The following SPATA31H1 variants were observed in gnomAD, a reference collection of about 807,000 sequenced individuals.
SPATA31H1 encodes SPATA31 subfamily H member 1, also known as spermatogenesis-associated protein 31H1.
the SPATA31H1 span, among the ~76,000 whole-genome samples, chr2:27,549,998 A>G: frequency 2.6e-5 from 4 of 152,028 alleles, no homozygotes; most frequent in African/African-American, 4.8e-5. Flanking sequence ...TTGAAAACAC[A>G]AAAGATTTTT....
At chr2:27,565,533 C>T in the SPATA31H1 span, 2 of 658,618 alleles carry the variant, frequency 3.0e-6, no homozygotes, top group Non-Finnish European at 5.6e-6. Flanking sequence ...CTAGCATCTC[C>T]ATGTCTAAAG....
At chr2:27,569,074 C>T in the SPATA31H1 span, 2 of 398,852 alleles carry the variant, frequency 5.0e-6, no homozygotes, top group Non-Finnish European at 4.4e-6. Context: ...CTGAGCCAAA[C>T]TTCAGAATCT....
At chr2:27,570,837 G>A in the SPATA31H1 span, 1 of 398,976 alleles carries the variant, frequency 2.5e-6, no homozygotes, top group East Asian at 3.6e-5. Flanking sequence ...AAGCCTTGAA[G>A]CTGAAGTTTC....
chr2:27,560,960 T>C, the SPATA31H1 span, among the ~76,000 whole-genome samples: 1 of 152,160 alleles, frequency 6.6e-6, no homozygotes, highest in Non-Finnish European at 1.5e-5. Flanking sequence ...AAGGCAACTT[T>C]CTTTGCAGTT....
chr2:27,579,154 A>G, the SPATA31H1 span: 1 of 1,614,176 alleles, frequency 6.2e-7, no homozygotes, highest in Non-Finnish European at 8.5e-7. Flanking sequence ...GGGGTTCAGA[A>G]AGGTCTCATC....
At chr2:27,574,301 G>C in the SPATA31H1 span, 1 of 398,520 alleles carries the variant, frequency 2.5e-6, no homozygotes, top group Non-Finnish European at 4.4e-6. Context: ...TACAGACTGT[G>C]AAATCTTCTG....
At chr2:27,551,330 C>T in the SPATA31H1 span, among the ~76,000 whole-genome samples, 2 of 152,006 alleles carry the variant, frequency 1.3e-5, no homozygotes, top group African/African-American at 4.8e-5. Flanking sequence ...GTTATCCCTG[C>T]CTCCTAACAT....
chr2:27,575,048 T>C, the SPATA31H1 span: 6 of 398,552 alleles, frequency 1.5e-5, no homozygotes, highest in Admixed American at 1.8e-4. This position sits in a 1 kb window ranked among gnomAD's most constrained non-coding sequence, Gnocchi z 4.1. Context: ...AGTTACAAGA[T>C]AGAAAATTAT....
At chr2:27,546,588 A>G in the SPATA31H1 span, among the ~76,000 whole-genome samples, 11 of 152,172 alleles carry the variant, frequency 7.2e-5, no homozygotes, top group South Asian at 2.1e-3. Context: ...GCTGAAGTGC[A>G]GTGGTGTGAT....
the SPATA31H1 span, chr2:27,575,692 G>A: frequency 2.5e-6 from 1 of 398,408 alleles, no homozygotes; most frequent in Admixed American, 4.4e-5. The surrounding 1 kb of genome is among the most constrained non-coding windows in gnomAD (Gnocchi z 4.1). Context: ...AGCAACTGTG[G>A]GCTACCTTTG....
chr2:27,538,744 A>T, the SPATA31H1 span, among the ~76,000 whole-genome samples: 1 of 151,924 alleles, frequency 6.6e-6, no homozygotes, highest in East Asian at 1.9e-4. Context: ...AGCAGGGGAA[A>T]CACTTGAACC....
At chr2:27,552,446 CTA>C in the SPATA31H1 span, among the ~76,000 whole-genome samples, 1 of 152,010 alleles carries the variant, frequency 6.6e-6, no homozygotes, top group African/African-American at 2.4e-5. Flanking sequence ...TTTCATAGAT[CTA>C]TATGTTTATC....
chr2:27,578,155 C>T, the SPATA31H1 span: 10 of 1,613,948 alleles, frequency 6.2e-6, no homozygotes, highest in South Asian at 2.2e-5. Context: ...AAGTCTGTGA[C>T]GATACCAAGG....
At chr2:27,582,583 C>T in the SPATA31H1 span, 2 of 1,503,232 alleles carry the variant, frequency 1.3e-6, no homozygotes, top group Non-Finnish European at 1.8e-6. Context: ...CTGCCCTTTC[C>T]AGGCTTCTTT....
At chr2:27,537,459 G>A in the SPATA31H1 span, 7 of 717,486 alleles carry the variant, frequency 9.8e-6, no homozygotes, top group Non-Finnish European at 1.8e-5. Context: ...ACGTCCCACT[G>A]CCATCAGATA....
chr2:27,538,915 C>G, the SPATA31H1 span, among the ~76,000 whole-genome samples: 1 of 151,772 alleles, frequency 6.6e-6, no homozygotes, highest in African/African-American at 2.4e-5. Flanking sequence ...CCTCTGTGCA[C>G]TATTGATACA....
chr2:27,568,787 A>C, the SPATA31H1 span: 1 of 399,012 alleles, frequency 2.5e-6, no homozygotes, highest in Non-Finnish European at 4.4e-6. Context: ...GTAGGAGGTC[A>C]ATTCCTGAGA....
the SPATA31H1 span, chr2:27,577,532 G>C: frequency 6.2e-7 from 1 of 1,614,116 alleles, no homozygotes; most frequent in Non-Finnish European, 8.5e-7. The surrounding 1 kb of genome is among the most constrained non-coding windows in gnomAD (Gnocchi z 4.5). Flanking sequence ...AATGTGTGGA[G>C]GTGATCTCTG....
the SPATA31H1 span, chr2:27,579,142 CAG>C: frequency 8.1e-6 from 13 of 1,614,004 alleles, no homozygotes; most frequent in Non-Finnish European, 1.0e-5. Flanking sequence ...CAGGCAGAAT[CAG>C]GGGTTCAGAA....
Sources: gnomAD v4.1 joint callset for allele counts (sites outside exome capture counted in the v4.1 genomes callset) on GRCh38, gnomAD v4.1.1 for gene constraint, Gnocchi (gnomAD v3.1) non-coding constraint, MANE v1.5 for transcripts, NCBI Gene and HGNC (gene_info 2026-07-23, HGNC 2026-07-21) for gene names.